MYBL1: variants seen among roughly 807,000 people sequenced by gnomAD.
MYBL1 encodes the protein MYB proto-oncogene like 1, also known as myb-related protein A.
In MYBL1, 17 loss-of-function variants were observed where a neutral mutation model predicts 96.3. The ratio of observed to expected loss-of-function variants is 0.18; its 90% confidence interval spans 0.12 to 0.26. The LOEUF is 0.26. Ranked by LOEUF, MYBL1 falls within the 10% of genes least tolerant of loss-of-function variation. The pLI, the probability that MYBL1 is intolerant of heterozygous loss-of-function variation, is 1.00. For synonymous variants in MYBL1, 282 were observed against 292.7 expected (o/e 0.96, Z 0.37); for missense variants, 701 against 882.9 (o/e 0.79, Z 2.61).
At chr8:66,611,852 C>T (rs1810542641) in intron 1 of MYBL1, among the ~76,000 whole-genome samples, 1 of 152,316 alleles carries the variant, frequency 6.6e-6, no homozygotes, top group East Asian at 1.9e-4. Flanking sequence ...TTAGGAAATA[C>T]ATCTCTAGTT....
intron 10 of MYBL1, 136 bp downstream of exon 10, chr8:66,575,871 A>G: frequency 1.4e-6 from 1 of 700,802 alleles, no homozygotes; most frequent in South Asian, 3.0e-5. Flanking sequence ...CTCAGAGTTC[A>G]GTATTCTCAA....
At chr8:66,578,367 C>T (rs1354925469) in intron 9 of MYBL1, among the ~76,000 whole-genome samples, 3 of 152,116 alleles carry the variant, frequency 2.0e-5, no homozygotes, top group East Asian at 1.9e-4. Flanking sequence ...CTACAATGAA[C>T]TCAAACAAAT....
chr8:66,602,642 C>A, intron 1 of MYBL1, 119 bp from the exon 2 acceptor site: 1 of 369,220 alleles, frequency 2.7e-6, no homozygotes, highest in Admixed American at 5.4e-5. Context: ...GTCATATTCA[C>A]AATGAAATTA....
At chr8:66,601,670 T>C in intron 3 of MYBL1, 28 bp downstream of exon 3, 1 of 1,279,266 alleles carries the variant, frequency 7.8e-7, no homozygotes, top group Non-Finnish European at 1.1e-6. Flanking sequence ...CCAGCCATGT[T>C]AGAAATATAA....
chr8:66,608,245 G>C (rs1406868227), intron 1 of MYBL1, among the ~76,000 whole-genome samples: 1 of 152,002 alleles, frequency 6.6e-6, no homozygotes, highest in East Asian at 1.9e-4. Context: ...TCTACATGAG[G>C]TTTCATTCTC....
intron 12 of MYBL1, among the ~76,000 whole-genome samples, chr8:66,569,437 C>A (rs1227028647): frequency 6.6e-6 from 1 of 151,728 alleles, no homozygotes; most frequent in Admixed American, 6.6e-5. Context: ...GCAACCTCTA[C>A]CTCCCAGGGT....
chr8:66,587,238 A>G (rs987558846), intron 8 of MYBL1, among the ~76,000 whole-genome samples: 3 of 152,168 alleles, frequency 2.0e-5, no homozygotes, highest in Admixed American at 6.5e-5. Flanking sequence ...GAAATGATAA[A>G]TGTTTGAGGT....
intron 1 of MYBL1, among the ~76,000 whole-genome samples, chr8:66,607,700 A>C (rs747452687): frequency 1.1e-3 from 111 of 97,868 alleles, no homozygotes; most frequent in Middle Eastern, 4.4e-3. Flanking sequence ...TTCAAAACCC[A>C]AAAAAAAAAA....
rs553224156 is a variant in MYBL1, at chr8:66,563,208, C to T, written c.*1489G>A. On this transcript the variant is annotated 3_prime_UTR_variant, in exon 16 of 16. Transcript: ENST00000522677. ...CTTTTCACACAGTGCAAGTGGTGGT[C>T]GCTCTTTCCTTCTCTCGTAGCAGCA... 6 of 152,540 alleles carry T rather than the reference C, an allele frequency of 3.9e-5. No individual in the cohort carries two copies. Among genetic ancestry groups the T allele is most frequent in the African/African-American group, 1.4e-4 (6 of 41,508 alleles). The allele number at this position is 152,540 out of a possible 1,614,324, so 9.4% of individuals were successfully genotyped here.
chr8:66,594,185 T>C, intron 6 of MYBL1, among the ~76,000 whole-genome samples: 1 of 152,042 alleles, frequency 6.6e-6, no homozygotes, highest in Non-Finnish European at 1.5e-5. Flanking sequence ...TATGAAATTG[T>C]CTGCTTTCCG....
At chr8:66,587,105 C>A (rs2129889412) in intron 8 of MYBL1, among the ~76,000 whole-genome samples, 1 of 152,140 alleles carries the variant, frequency 6.6e-6, no homozygotes, top group African/African-American at 2.4e-5. Flanking sequence ...TATATAAGTA[C>A]AACTAGAGAG....
chr8:66,603,040 T>A (rs548383147), intron 1 of MYBL1, among the ~76,000 whole-genome samples: 22 of 151,998 alleles, frequency 1.4e-4, no homozygotes, highest in Non-Finnish European at 3.1e-4. Context: ...CCACTGCACC[T>A]GGCCTGGAAC....
chr8:66,602,211 C>T (rs1422252671), intron 2 of MYBL1, among the ~76,000 whole-genome samples: 1 of 151,952 alleles, frequency 6.6e-6, no homozygotes, highest in African/African-American at 2.4e-5. Flanking sequence ...GCCACCATAC[C>T]AGGCTAATTT....
chr8:66,596,760 TTAGAAAACA>T (rs1349310892), intron 5 of MYBL1, among the ~76,000 whole-genome samples: 1 of 152,150 alleles, frequency 6.6e-6, no homozygotes, highest in Non-Finnish European at 1.5e-5. Flanking sequence ...CTAAACGCTA[TTAGAAAACA>T]TATGAACCAG....
At chr8:66,583,062 A>G (rs1201608462) in intron 8 of MYBL1, among the ~76,000 whole-genome samples, 2 of 152,226 alleles carry the variant, frequency 1.3e-5, no homozygotes, top group African/African-American at 2.4e-5. Flanking sequence ...TCTTTTCATC[A>G]GCACATTCTT....
At chr8:66,607,764 T>C (rs1810379371) in intron 1 of MYBL1, among the ~76,000 whole-genome samples, 1 of 151,120 alleles carries the variant, frequency 6.6e-6, no homozygotes, top group East Asian at 1.9e-4. Flanking sequence ...GAAACAAACA[T>C]TTTAAATATT....
At position 66,562,329 on chromosome 8, in the gene MYBL1, A is replaced by T. The variant is rs1808366312; in HGVS notation, c.*2368T>A. On this transcript the variant is annotated 3_prime_UTR_variant, in exon 16 of 16. Transcript: ENST00000522677. ...AAACCTTACAATAAAATGCAGTATT[A>T]TGTATGTGTAGTCAGTTTCCATGCA... The T allele has an allele frequency of 6.6e-6, 1 of 152,644 alleles. No individual in the cohort carries two copies. 9.5% of individuals were successfully genotyped at this position (152,644 alleles called of 1,614,324 possible).
intron 9 of MYBL1, among the ~76,000 whole-genome samples, chr8:66,577,478 A>C (rs1383148116): frequency 1.3e-5 from 2 of 151,994 alleles, no homozygotes; most frequent in Non-Finnish European, 2.9e-5. Flanking sequence ...CCCATTCACA[A>C]TTGCTTCAAA....
intron 8 of MYBL1, among the ~76,000 whole-genome samples, chr8:66,582,269 C>T (rs564167129): frequency 6.6e-6 from 1 of 151,984 alleles, no homozygotes; most frequent in South Asian, 2.1e-4. Context: ...AACACATGAC[C>T]CAACTATATG....
Sources: allele counts gnomAD v4.1 joint callset (sites outside exome capture counted in the v4.1 genomes callset), GRCh38; gene constraint gnomAD v4.1.1; transcripts MANE v1.5; gene names NCBI Gene and HGNC (gene_info 2026-07-23, HGNC 2026-07-21).